The following TNFSF8 variants were observed in gnomAD, a reference collection of about 807,000 sequenced individuals.
The protein encoded by TNFSF8 is TNF superfamily member 8, also known as tumor necrosis factor ligand superfamily member 8.
In TNFSF8, 4 loss-of-function variants were observed where a neutral mutation model predicts 22.0. That is an observed-to-expected ratio of 0.18 (90% CI 0.09 to 0.42). The LOEUF (loss-of-function observed/expected upper bound fraction) is 0.42. Among genes scored for constraint, TNFSF8 ranks in the 10% least tolerant of loss-of-function variants. TNFSF8 has a pLI of 1.00. For synonymous variants in TNFSF8, 106 were observed against 112.5 expected, an observed-to-expected ratio of 0.94 and a Z score of 0.37; for missense variants, 233 against 281.8, an observed-to-expected ratio of 0.83 and a Z score of 1.24.
Position 114,901,173 on chromosome 9 carries a change from C to T in TNFSF8, c.*2758G>A. On this transcript the variant is annotated 3_prime_UTR_variant, in exon 4 of 4. Coordinates refer to ENST00000223795, the MANE Select transcript of TNFSF8 (RefSeq NM_001244.4). ...CCAGTTAGATAAATTATTTATTTTA[C>T]TTGCATAGATATCATTTTACTCATG... The T allele has an allele frequency of 2.0e-6, 2 of 985,216 alleles. No individual in the cohort carries two copies. Among genetic ancestry groups the T allele is most frequent in the Non-Finnish European group, 2.4e-6 (2 of 829,812 alleles). 61.0% of individuals were successfully genotyped at this position (985,216 alleles called of 1,614,324 possible). A position where few individuals can be genotyped will look rare whatever the true frequency, so the allele number is the denominator to read the frequency against.
chr9:114,905,800 T>C, intron 3 of TNFSF8, 28 bp downstream of exon 3: 1 of 1,581,604 alleles, frequency 6.3e-7, no homozygotes, highest in East Asian at 2.2e-5. Context: ...TTTTCATATG[T>C]TTAGGTTTCC....
At chr9:114,895,740 T>C (rs936932268) in intron 4 of TNFSF8, among the ~76,000 whole-genome samples, 2 of 152,212 alleles carry the variant, frequency 1.3e-5, no homozygotes, top group Admixed American at 1.3e-4. Flanking sequence ...ATAGAGTTAG[T>C]AATTGCTTCA....
chr9:114,905,773 A>G, intron 3 of TNFSF8, 55 bp downstream of exon 3: 1 of 1,403,432 alleles, frequency 7.1e-7, no homozygotes, highest in Non-Finnish European at 1.0e-6. Flanking sequence ...AAAGTTGCTG[A>G]AAAGCCACAG....
chr9:114,905,686 A>G, intron 3 of TNFSF8, 142 bp downstream of exon 3: 1 of 720,918 alleles, frequency 1.4e-6, no homozygotes, highest in Non-Finnish European at 2.5e-6. Flanking sequence ...AATTACAAAA[A>G]AATTTCCTGC....
intron 3 of TNFSF8, among the ~76,000 whole-genome samples, chr9:114,905,542 GT>G (rs1564368000): frequency 6.6e-6 from 1 of 152,190 alleles, no homozygotes; most frequent in Non-Finnish European, 1.5e-5. Context: ...GGGGCTGGTG[GT>G]GGCAGTGGTG....
chr9:114,898,433 T>C (rs1038070589), downstream of TNFSF8, among the ~76,000 whole-genome samples: 1 of 152,206 alleles, frequency 6.6e-6, no homozygotes. Flanking sequence ...ATGCTATTGC[T>C]GTCTGGAGAT....
intron 1 of TNFSF8, among the ~76,000 whole-genome samples, chr9:114,918,901 A>G (rs1378036391): frequency 2.0e-5 from 3 of 152,110 alleles, no homozygotes; most frequent in Non-Finnish European, 4.4e-5. Flanking sequence ...ACTCGGCTAG[A>G]GCCAGGACTC....
At chr9:114,896,600 TG>T (rs1215427447), downstream of TNFSF8, among the ~76,000 whole-genome samples, 1 of 152,208 alleles carries the variant, frequency 6.6e-6, no homozygotes, top group Admixed American at 6.5e-5. Context: ...TACCTAAATA[TG>T]TACACTATTT....
Position 114,930,107 on chromosome 9 carries a change from AC to A in TNFSF8, c.195+1del. On this transcript the variant is annotated splice_donor_variant, in intron 1 of 3. Coordinates refer to ENST00000223795, the MANE Select transcript of TNFSF8 (RefSeq NM_001244.4). LOFTEE classifies it high-confidence loss of function. ...GAAAGGGAGGAAGAGGAGTCCACTT[AC>A]CGTCCTCTGAACGACCAACACCATA... The A allele has an allele frequency of 6.8e-7, 1 of 1,476,692 alleles. No homozygotes were observed. The allele number at this position is 1,476,692 out of a possible 1,614,324, so 91.5% of individuals were successfully genotyped here. A position where few individuals can be genotyped will look rare whatever the true frequency, so the allele number is the denominator to read the frequency against.
At chr9:114,916,442 C>A (rs1034136482) in intron 2 of TNFSF8, among the ~76,000 whole-genome samples, 6 of 152,176 alleles carry the variant, frequency 3.9e-5, no homozygotes, top group African/African-American at 1.4e-4. Flanking sequence ...CTAATCAAAA[C>A]TATCCTCGTC....
downstream of TNFSF8, among the ~76,000 whole-genome samples, chr9:114,899,149 G>A (rs888362181): frequency 2.0e-5 from 3 of 152,106 alleles, no homozygotes; most frequent in African/African-American, 7.2e-5. Context: ...TAGCTGGATG[G>A]ACAAACATTC....
At chr9:114,911,664 G>A (rs1279997740) in intron 2 of TNFSF8, among the ~76,000 whole-genome samples, 1 of 152,176 alleles carries the variant, frequency 6.6e-6, no homozygotes, top group Non-Finnish European at 1.5e-5. Context: ...CACATAGGAA[G>A]TGATCAGTAA....
Position 114,930,562 on chromosome 9 carries a change from C to G in TNFSF8, c.-259G>C, listed in dbSNP as rs1034038996. The G allele has an allele frequency of 1.5e-4, 50 of 342,362 alleles. No homozygotes were observed. The highest frequency in any genetic ancestry group is 7.7e-4 in the Middle Eastern group (1 of 1,304). The allele number at this position is 342,362 out of a possible 1,614,324, so 21.2% of individuals were successfully genotyped here. A position where few individuals can be genotyped will look rare whatever the true frequency, so the allele number is the denominator to read the frequency against. ...GAGAAACTAGCTACAGAGAAGGTGG[C>G]TGATGTCAGAGGGCGCGTAGGAAAA... On this transcript the variant is annotated 5_prime_UTR_variant, in exon 1 of 4. Coordinates refer to ENST00000223795, the MANE Select transcript of TNFSF8 (RefSeq NM_001244.4).
chr9:114,926,851 A>C (rs949788736), intron 1 of TNFSF8, among the ~76,000 whole-genome samples: 1 of 151,360 alleles, frequency 6.6e-6, no homozygotes, highest in Non-Finnish European at 1.5e-5. Context: ...GAAGATTTTT[A>C]CTTTCTTTTC....
At chr9:114,914,661 C>T (rs1321264395) in intron 2 of TNFSF8, among the ~76,000 whole-genome samples, 1 of 152,178 alleles carries the variant, frequency 6.6e-6, no homozygotes, top group Non-Finnish European at 1.5e-5. Flanking sequence ...GGTCCAATTG[C>T]TGTCCCATTT....
At chr9:114,920,729 C>T (rs376532582) in intron 1 of TNFSF8, among the ~76,000 whole-genome samples, 97 of 152,164 alleles carry the variant, frequency 6.4e-4, no homozygotes, top group Admixed American at 3.3e-3. Flanking sequence ...AGTGCAGTGG[C>T]GCAATCTCGG....
intron 1 of TNFSF8, among the ~76,000 whole-genome samples, chr9:114,924,541 CT>C (rs1174839715): frequency 6.6e-6 from 1 of 152,004 alleles, no homozygotes; most frequent in Non-Finnish European, 1.5e-5. Flanking sequence ...CTTTCATATC[CT>C]TATATAGAGA....
chr9:114,917,204 A>G (rs1245073386), intron 2 of TNFSF8, among the ~76,000 whole-genome samples: 2 of 152,210 alleles, frequency 1.3e-5, no homozygotes, highest in Admixed American at 1.3e-4. Flanking sequence ...CCTGGTGCCT[A>G]CATTAACTCA....
intron 2 of TNFSF8, among the ~76,000 whole-genome samples, chr9:114,913,765 C>A (rs144473147): frequency 1.3e-5 from 2 of 152,290 alleles, no homozygotes; most frequent in African/African-American, 4.8e-5. Flanking sequence ...GTTTCCTTAC[C>A]TATAAAATGG....
Sources: allele counts gnomAD v4.1 joint callset (sites outside exome capture counted in the v4.1 genomes callset), GRCh38; gene constraint gnomAD v4.1.1; transcripts MANE v1.5; gene names NCBI Gene and HGNC (gene_info 2026-07-23, HGNC 2026-07-21).